The following STK32B variants were observed in gnomAD, a reference collection of about 807,000 sequenced individuals.
STK32B encodes serine/threonine-protein kinase 32B.
Under a neutral mutation model 52.6 loss-of-function variants are expected in STK32B, and 43 were observed. The observed-to-expected ratio is 0.82, with a 90% CI of 0.64 to 1.05. The LOEUF is 1.05. Among genes scored for constraint, STK32B ranks in the 50% least tolerant of loss-of-function variants. STK32B has a pLI of 0.00. For synonymous variants in STK32B, 238 were observed against 204.3 expected (o/e 1.17, Z -1.41); for missense variants, 621 against 534.6 (o/e 1.16, Z -1.59).
At chr4:5,360,719 T>G (rs1454640610) in intron 4 of STK32B, among the ~76,000 whole-genome samples, 1 of 152,052 alleles carries the variant, frequency 6.6e-6, no homozygotes, top group East Asian at 1.9e-4. Flanking sequence ...GGCAGGAGAA[T>G]CGCTTGAACC....
chr4:5,146,732 G>A (rs1480550718), intron 2 of STK32B, among the ~76,000 whole-genome samples: 1 of 152,150 alleles, frequency 6.6e-6, no homozygotes, highest in Non-Finnish European at 1.5e-5. Flanking sequence ...AAAATTAGAT[G>A]ATTTGTATGT....
chr4:5,272,344 A>C (rs1446618564), intron 3 of STK32B, among the ~76,000 whole-genome samples: 1 of 147,814 alleles, frequency 6.8e-6, no homozygotes, highest in Non-Finnish European at 1.5e-5. Context: ...CTTGCATCCC[A>C]GGGATGAAGC....
chr4:5,072,762 C>G (rs920890236), intron 1 of STK32B, among the ~76,000 whole-genome samples: 1 of 152,018 alleles, frequency 6.6e-6, no homozygotes, highest in African/African-American at 2.4e-5. Flanking sequence ...TCTCCCATAT[C>G]CTTATGGAGT....
chr4:5,158,422 G>C (rs1718037157), intron 2 of STK32B, among the ~76,000 whole-genome samples: 1 of 152,074 alleles, frequency 6.6e-6, no homozygotes, highest in Non-Finnish European at 1.5e-5. Flanking sequence ...ACCTCTCTTT[G>C]TTCCCCTCCA....
intron 6 of STK32B, chr4:5,438,229 T>G (rs1175624704): frequency 1.2e-6 from 1 of 804,028 alleles, no homozygotes; most frequent in Non-Finnish European, 1.5e-6. Flanking sequence ...CACACTCTGG[T>G]GCAGGGAAGG....
intron 3 of STK32B, among the ~76,000 whole-genome samples, chr4:5,321,625 C>G (rs1160577097): frequency 6.6e-6 from 1 of 152,148 alleles, no homozygotes; most frequent in Non-Finnish European, 1.5e-5. Flanking sequence ...TTGTCAGCCA[C>G]TACAAATTCT....
rs1742112008 is a variant in STK32B at position 5,058,961 on chromosome 4, G to A, written c.52+7046G>A. On this transcript the variant is annotated intron_variant, in intron 1 of 11. Transcript: ENST00000282908. This position sits in a 1 kb window ranked among gnomAD's most constrained non-coding sequence, Gnocchi z 4.8. Reference sequence around the variant, plus strand: ...AGATGGGGTTTCACCATGTTGGCCAGGCTGGTCTCGAACTCCTGACCTCAG... The same window carrying A: ...AGATGGGGTTTCACCATGTTGGCCAAGCTGGTCTCGAACTCCTGACCTCAG... Among the ~76,000 whole-genome samples the A allele has an allele frequency of 6.6e-6, 1 of 151,280 alleles. No individual in the cohort carries two copies. The highest frequency in any genetic ancestry group is 1.9e-4 in the East Asian group (1 of 5,138).
At chr4:5,181,885 AC>A (rs1467296067) in intron 3 of STK32B, among the ~76,000 whole-genome samples, 3 of 151,964 alleles carry the variant, frequency 2.0e-5, no homozygotes, top group Non-Finnish European at 1.5e-5. Flanking sequence ...ACAATGATTA[AC>A]TCTTCCTTTG....
chr4:5,113,495 C>T lies in STK32B; in HGVS notation c.53-26410C>T, dbSNP rs955211889. ...TAGTATGGGTAAAGAATAAGTACTT[C>T]GTGTTATAAGCTATTAAGGTTTTGG... On this transcript the variant is annotated intron_variant, in intron 1 of 11. Coordinates refer to ENST00000282908, the MANE Select transcript of STK32B (RefSeq NM_018401.3). Among the ~76,000 whole-genome samples the T allele has an allele frequency of 5.3e-5, 8 of 151,820 alleles. 1 individual carries two copies. The highest frequency in any genetic ancestry group is 9.7e-5 in the African/African-American group (4 of 41,110).
chr4:5,488,445 CTTTTT>C (rs558113648), intron 11 of STK32B, among the ~76,000 whole-genome samples: 1 of 151,390 alleles, frequency 6.6e-6, no homozygotes, highest in Non-Finnish European at 1.5e-5. Flanking sequence ...ATATAGGGAA[CTTTTT>C]TTTTAGTTTT....
intron 2 of STK32B, among the ~76,000 whole-genome samples, chr4:5,161,831 C>T (rs1054474154): frequency 5.3e-5 from 8 of 152,116 alleles, no homozygotes; most frequent in Non-Finnish European, 1.0e-4. Context: ...TGTTTTTCTT[C>T]CCCCTACCCC....
chr4:5,469,050 C>CAA lies in STK32B; in HGVS notation c.1106+996_1106+997dup, dbSNP rs34295862. Among the ~76,000 whole-genome samples, 578 of 127,030 alleles carry CAA rather than the reference C, an allele frequency of 4.6e-3. 3 individuals are homozygous for CAA. The highest frequency in any genetic ancestry group is 0.013 in the African/African-American group (437 of 33,978). 83.3% of individuals were successfully genotyped at this position (127,030 alleles called of 152,430 possible). On this transcript the variant is annotated intron_variant, in intron 11 of 11. Transcript: ENST00000282908. The surrounding 1 kb of genome is among the most constrained non-coding windows in gnomAD (Gnocchi z 4.7). ...TGGGCGACAGAGCAAGACTCCGTCT[C>CAA]AAAAAAAAAAAAAAAAATTATCTAG...
chr4:5,317,299 TATAATATATAACATATGTATA>T (rs1731106648), intron 3 of STK32B, among the ~76,000 whole-genome samples: 4 of 49,760 alleles, frequency 8.0e-5, no homozygotes, highest in African/African-American at 7.4e-4. Flanking sequence ...ATATATAATA[TATAATATATAACATATGTATA>T]ATATATATTA....
At chr4:5,291,452 G>C (rs1291191621) in intron 3 of STK32B, among the ~76,000 whole-genome samples, 1 of 151,990 alleles carries the variant, frequency 6.6e-6, no homozygotes, top group East Asian at 1.9e-4. Context: ...TATATTTTCA[G>C]ATTATTCATT....
In STK32B at chr4:5,400,481, G is replaced by T. The variant is rs1737222782; in HGVS notation, c.472+2237G>T. 6.6e-6 allele frequency among the ~76,000 whole-genome samples: 1 copy of T among 152,102 alleles called. No individual in the cohort carries two copies. Among genetic ancestry groups the T allele is most frequent in the Non-Finnish European group, 1.5e-5 (1 of 68,032 alleles). ...CACTCCCCAAGTGCCCCTGCATCCA[G>T]TCTTCTCCCTCTCCAGCCTCCCATT... On this transcript the variant is annotated intron_variant, in intron 5 of 11. Transcript: ENST00000282908. This position sits in a 1 kb window ranked among gnomAD's most constrained non-coding sequence, Gnocchi z 6.1.
At chr4:5,141,141 C>G (rs1476431503) in intron 2 of STK32B, among the ~76,000 whole-genome samples, 3 of 152,188 alleles carry the variant, frequency 2.0e-5, no homozygotes, top group Non-Finnish European at 4.4e-5. Flanking sequence ...CCACAGCACA[C>G]TAGCTGCATT....
intron 3 of STK32B, 91 bp from the exon 4 acceptor site, chr4:5,331,129 C>T (rs564846397): frequency 7.8e-7 from 1 of 1,285,042 alleles, no homozygotes; most frequent in South Asian, 1.5e-5. Context: ...CTCTGAGCCT[C>T]AGTTTGCTCT....
chr4:5,184,542 G>T (rs1427481946), intron 3 of STK32B, among the ~76,000 whole-genome samples: 1 of 151,994 alleles, frequency 6.6e-6, no homozygotes, highest in Non-Finnish European at 1.5e-5. Flanking sequence ...ACAAAAGTTA[G>T]CTGGGCGTGG....
At position 5,392,999 on chromosome 4, in the gene STK32B, G is replaced by A. The variant is rs551018140; in HGVS notation, c.435-5208G>A. 1.2e-4 allele frequency among the ~76,000 whole-genome samples: 18 copies of A among 152,202 alleles called. 1 individual carries two copies. In the South Asian group the frequency reaches 3.6e-3, roughly 30 times the overall value. The stretch of plus-strand genomic sequence containing the variant: ...GTTTAATGAGTAGAGATGATGTGTT[G>A]TCATTTCTTAATTGTCACTCAGTTT... On this transcript the variant is annotated intron_variant, in intron 4 of 11. Transcript: ENST00000282908.
Sources: allele counts gnomAD v4.1 joint callset (sites outside exome capture counted in the v4.1 genomes callset), GRCh38; gene constraint gnomAD v4.1.1; non-coding constraint Gnocchi (gnomAD v3.1); transcripts MANE v1.5; gene names NCBI Gene and HGNC (gene_info 2026-07-23, HGNC 2026-07-21).